The following PXDNL variants were observed in gnomAD, a reference collection of about 807,000 sequenced individuals.
The protein encoded by PXDNL is peroxidasin like.
A neutral mutation model predicts 150.8 loss-of-function variants in PXDNL; 145 were observed. That is an observed-to-expected ratio of 0.96 (90% CI 0.84 to 1.10). The LOEUF is 1.10. PXDNL is among the 50% of genes least tolerant of loss of function. PXDNL has a pLI of 0.00. For missense variants in PXDNL, 2,087 were observed against 1,873.9 expected, an observed-to-expected ratio of 1.11 and a Z score of -2.10; for synonymous variants, 757 against 725.7, an observed-to-expected ratio of 1.04 and a Z score of -0.69.
intron 8 of PXDNL, among the ~76,000 whole-genome samples, chr8:51,470,234 GGGC>G (rs1331980553): frequency 1.3e-5 from 2 of 151,924 alleles, no homozygotes; most frequent in Non-Finnish European, 2.9e-5. Flanking sequence ...TCTTTCTCGT[GGGC>G]TAGTTTCCAG....
chr8:51,578,103 AAAGAAAG>A (rs1563471439), intron 3 of PXDNL, among the ~76,000 whole-genome samples: 1 of 121,502 alleles, frequency 8.2e-6, no homozygotes, highest in Admixed American at 8.6e-5. Context: ...AAAGAAAGAA[AAAGAAAG>A]AAAGAAAGAA....
chr8:51,414,188 C>T (rs140291729), intron 14 of PXDNL, among the ~76,000 whole-genome samples: 3 of 151,468 alleles, frequency 2.0e-5, no homozygotes, highest in Non-Finnish European at 2.9e-5. Context: ...CAAGGTGTTA[C>T]CACAATATAG....
At chr8:51,372,149 C>A in intron 18 of PXDNL, 68 bp from the exon 19 acceptor site, 1 of 1,131,174 alleles carries the variant, frequency 8.8e-7, no homozygotes, top group Non-Finnish European at 1.3e-6. Context: ...GCATGTCAAA[C>A]AGCCACAATG....
rs138224298 is a variant in PXDNL, at chr8:51,505,383, T to C, written c.381-5613A>G. Among the ~76,000 whole-genome samples, 313 of 152,264 alleles carry C rather than the reference T, an allele frequency of 2.1e-3. 1 individual carries two copies. Among genetic ancestry groups the C allele is most frequent in the Non-Finnish European group, 3.4e-3 (234 of 68,026 alleles). On this transcript the variant is annotated intron_variant, in intron 4 of 22. Coordinates refer to ENST00000356297, the MANE Select transcript of PXDNL (RefSeq NM_144651.5). Reference sequence around the variant, plus strand: ...TTCAGCGTGAACTCACTGAGCCACATAAAAACAAATGTTCTGTGCCGTATG... The same window carrying C: ...TTCAGCGTGAACTCACTGAGCCACACAAAAACAAATGTTCTGTGCCGTATG...
chr8:51,799,871 C>G (rs145229613), intron 1 of PXDNL, among the ~76,000 whole-genome samples: 3 of 152,178 alleles, frequency 2.0e-5, no homozygotes, highest in Non-Finnish European at 2.9e-5. Context: ...ACCCTCACAG[C>G]ATTACAGGAT....
intron 5 of PXDNL, among the ~76,000 whole-genome samples, chr8:51,496,965 C>A (rs1242140715): frequency 6.6e-6 from 1 of 152,156 alleles, no homozygotes; most frequent in Non-Finnish European, 1.5e-5. Flanking sequence ...AAAAAAGAGC[C>A]CGGATTGCCA....
intron 4 of PXDNL, among the ~76,000 whole-genome samples, chr8:51,513,654 A>G (rs1452736770): frequency 6.6e-6 from 1 of 152,258 alleles, no homozygotes; most frequent in Non-Finnish European, 1.5e-5. Context: ...GTGAAAGAGA[A>G]CAACACACTA....
intron 5 of PXDNL, among the ~76,000 whole-genome samples, chr8:51,493,706 T>G (rs1209903406): frequency 6.6e-5 from 10 of 151,968 alleles, no homozygotes; most frequent in Admixed American, 4.6e-4. Flanking sequence ...ATGAATGAAA[T>G]GAAGCAAGAA....
At chr8:51,339,856 T>TTG in intron 20 of PXDNL, 103 bp from the exon 21 acceptor site, 2 of 1,099,090 alleles carry the variant, frequency 1.8e-6, no homozygotes, top group African/African-American at 1.6e-5. Flanking sequence ...GTACAAGGCA[T>TTG]TGTGATTGGT....
At chr8:51,663,277 C>T (rs1247427217) in intron 1 of PXDNL, among the ~76,000 whole-genome samples, 1 of 152,202 alleles carries the variant, frequency 6.6e-6, no homozygotes, top group Non-Finnish European at 1.5e-5. Flanking sequence ...GATGGACCAG[C>T]AGGCCCACCA....
intron 4 of PXDNL, among the ~76,000 whole-genome samples, chr8:51,536,796 T>G (rs1812087608): frequency 6.6e-6 from 1 of 152,110 alleles, no homozygotes. Flanking sequence ...TTTCACACAA[T>G]TACATAAAAA....
At chr8:51,471,062 T>TGGGAGAA (rs141097227) in intron 8 of PXDNL, among the ~76,000 whole-genome samples, 2 of 143,426 alleles carry the variant, frequency 1.4e-5, no homozygotes, top group African/African-American at 5.2e-5. Context: ...ACCTACAGAA[T>TGGGAGAA]GGGAGAAGAT....
At chr8:51,461,450 C>T (rs1428381494) in intron 8 of PXDNL, among the ~76,000 whole-genome samples, 1 of 152,214 alleles carries the variant, frequency 6.6e-6, no homozygotes, top group Non-Finnish European at 1.5e-5. Flanking sequence ...AGCTAGAGGG[C>T]AGCCACCAGG....
intron 17 of PXDNL, among the ~76,000 whole-genome samples, chr8:51,395,124 CA>C (rs1199166823): frequency 6.6e-6 from 1 of 152,216 alleles, no homozygotes; most frequent in Admixed American, 6.5e-5. Context: ...GCCCTAACCA[CA>C]AGGGCCACTC....
intron 8 of PXDNL, among the ~76,000 whole-genome samples, chr8:51,464,809 A>G (rs1298431515): frequency 6.6e-6 from 1 of 152,176 alleles, no homozygotes; most frequent in Admixed American, 6.5e-5. Context: ...AGGCACATGT[A>G]TACTTATGTA....
At position 51,319,834 on chromosome 8, in the gene PXDNL, C is replaced by T; in HGVS notation, c.*57G>A. 2.1e-6 allele frequency: 3 copies of T among 1,402,250 alleles called. No individual in the cohort carries two copies. Among genetic ancestry groups the T allele is most frequent in the Non-Finnish European group, 2.8e-6 (3 of 1,069,622 alleles). The allele number at this position is 1,402,250 out of a possible 1,614,324, so 86.9% of individuals were successfully genotyped here. ...ACTACAAGTTAAAAGTTCTGAAGTC[C>T]TAAATGTCTCTTCCTGAGAAATTTC... On this transcript the variant is annotated 3_prime_UTR_variant, in exon 23 of 23. Coordinates refer to ENST00000356297, the MANE Select transcript of PXDNL (RefSeq NM_144651.5).
chr8:51,577,247 A>C (rs1487020616), intron 3 of PXDNL, among the ~76,000 whole-genome samples: 2 of 151,846 alleles, frequency 1.3e-5, no homozygotes, highest in East Asian at 3.9e-4. Context: ...CAAATTGTCA[A>C]GAAAATATTA....
rs755463732 is a variant in PXDNL, at chr8:51,453,668, T to C, written c.1100A>G (p.Asn367Ser). ...CCTGGATCCATCCAGCTCCAATCCA[T>C]TGTCCCTGGTCCAAGTGATAAGAGG... ...PHPLITWTRDNGLELDGSRHV... is the reference protein window; with the variant it reads ...PHPLITWTRDSGLELDGSRHV... Residue 367 changes from asparagine to serine, a missense_variant, in exon 10 of 23, where the codon AAT becomes AGT. Coordinates refer to ENST00000356297, the MANE Select transcript of PXDNL (RefSeq NM_144651.5). The C allele has an allele frequency of 1.4e-5, 23 of 1,613,922 alleles. No homozygotes were observed. In the South Asian group the frequency reaches 2.3e-4, roughly 16 times the overall value.
chr8:51,486,904 A>G (rs1335850197), intron 5 of PXDNL, among the ~76,000 whole-genome samples: 1 of 145,914 alleles, frequency 6.9e-6, no homozygotes, highest in Non-Finnish European at 1.5e-5. Context: ...GGGTTCAAGC[A>G]ATTCTCCTGC....
Sources: gnomAD v4.1 joint callset for allele counts (sites outside exome capture counted in the v4.1 genomes callset) on GRCh38, gnomAD v4.1.1 for gene constraint, MANE v1.5 for transcripts, NCBI Gene and HGNC (gene_info 2026-07-23, HGNC 2026-07-21) for gene names.